Variants in ENPP6 observed in about 807,000 individuals in gnomAD.
ENPP6 encodes glycerophosphocholine cholinephosphodiesterase ENPP6.
A neutral mutation model predicts 42.0 loss-of-function variants in ENPP6; 32 were observed. The ratio of observed to expected loss-of-function variants is 0.76; its 90% CI spans 0.58 to 1.02. The LOEUF is 1.02. Ranked by LOEUF, ENPP6 falls within the 50% of genes least tolerant of loss-of-function variation. ENPP6 has a pLI of 0.00. For synonymous variants in ENPP6, 213 were observed against 216.0 expected (o/e 0.99, Z 0.12); for missense variants, 552 against 566.8 (o/e 0.97, Z 0.27).
chr4:184,171,815 G>C (rs1304521000), intron 1 of ENPP6, among the ~76,000 whole-genome samples: 1 of 151,530 alleles, frequency 6.6e-6, no homozygotes, highest in Non-Finnish European at 1.5e-5. Flanking sequence ...CAGTGTATCC[G>C]GCACGATTCG....
intron 7 of ENPP6, among the ~76,000 whole-genome samples, chr4:184,095,444 G>A (rs1438573006): frequency 2.0e-5 from 3 of 152,010 alleles, no homozygotes; most frequent in Non-Finnish European, 2.9e-5. Context: ...CAGATCACCT[G>A]AGGTCAGGAG....
intron 1 of ENPP6, among the ~76,000 whole-genome samples, chr4:184,199,463 T>A (rs962448707): frequency 2.0e-5 from 3 of 152,230 alleles, no homozygotes; most frequent in Non-Finnish European, 4.4e-5. Context: ...TAAAGAATAA[T>A]GTTTTCTCAA....
chr4:184,183,982 G>A (rs559077547), intron 1 of ENPP6, among the ~76,000 whole-genome samples: 1 of 152,348 alleles, frequency 6.6e-6, no homozygotes, highest in African/African-American at 2.4e-5. Context: ...CCAGCAGGAT[G>A]TTGGTGCTCA....
chr4:184,167,784 C>G (rs7666944), intron 1 of ENPP6, among the ~76,000 whole-genome samples: 1 of 152,100 alleles, frequency 6.6e-6, no homozygotes, highest in East Asian at 1.9e-4. Context: ...TCACAGCAGC[C>G]GCAGCTGGTT....
intron 1 of ENPP6, among the ~76,000 whole-genome samples, chr4:184,194,067 CT>C (rs1300535329): frequency 3.3e-5 from 5 of 152,166 alleles, no homozygotes; most frequent in African/African-American, 1.2e-4. Flanking sequence ...TTCTTCCACA[CT>C]GTGCCCACTG....
chr4:184,181,709 A>G (rs758927384), intron 1 of ENPP6, among the ~76,000 whole-genome samples: 2 of 152,200 alleles, frequency 1.3e-5, no homozygotes, highest in Non-Finnish European at 2.9e-5. Flanking sequence ...GAGACTGCAC[A>G]TTTACAACCA....
At chr4:184,206,425 T>G (rs1733001430) in intron 1 of ENPP6, among the ~76,000 whole-genome samples, 1 of 121,022 alleles carries the variant, frequency 8.3e-6, no homozygotes, top group Non-Finnish European at 1.7e-5. Flanking sequence ...GCCCGGCTAA[T>G]TTTTGTATTT....
rs111950097 is a variant in ENPP6 at position 184,093,059 on chromosome 4, A to G, written c.1118-1677T>C. Among the ~76,000 whole-genome samples the G allele has an allele frequency of 8.9e-3, 1,354 of 152,286 alleles. 26 individuals are homozygous for G. Among genetic ancestry groups the G allele is most frequent in the African/African-American group, 0.031 (1,296 of 41,546 alleles). On this transcript the variant is annotated intron_variant, in intron 7 of 7. Transcript: ENST00000296741. ...ATAGCACGTTTTGCTCCCTTTGGAGAATTAAAGTTGAATCCAATATAAAGA... is the reference window on the plus strand; with the variant it reads ...ATAGCACGTTTTGCTCCCTTTGGAGGATTAAAGTTGAATCCAATATAAAGA...
chr4:184,093,005 A>G (rs1322240114), intron 7 of ENPP6, among the ~76,000 whole-genome samples: 1 of 152,232 alleles, frequency 6.6e-6, no homozygotes, highest in African/African-American at 2.4e-5. Context: ...TCTGCCACAT[A>G]GTATGTTAGA....
At chr4:184,177,146 C>T (rs1036041629) in intron 1 of ENPP6, among the ~76,000 whole-genome samples, 5 of 152,224 alleles carry the variant, frequency 3.3e-5, no homozygotes, top group African/African-American at 1.2e-4. Context: ...GCCACCATCA[C>T]TGTAGCCCCA....
At chr4:184,110,795 T>C (rs773993248) in intron 6 of ENPP6, among the ~76,000 whole-genome samples, 1 of 152,234 alleles carries the variant, frequency 6.6e-6, no homozygotes, top group South Asian at 2.1e-4. Flanking sequence ...TGTGGGATAG[T>C]AAATCCTTTT....
In ENPP6 at chr4:184,147,816, G is replaced by A. The variant is rs1736954783; in HGVS notation, c.421+5738C>T. ...ACCCTGTTTCAAAAAAAAAAAAAAA[G>A]TATTCAGCTTGGCTCTTAGAGCCTG... On this transcript the variant is annotated intron_variant, in intron 2 of 7. Transcript: ENST00000296741. 1.6e-5 allele frequency among the ~76,000 whole-genome samples: 2 copies of A among 124,214 alleles called. 1 individual carries two copies. Among genetic ancestry groups the A allele is most frequent in the South Asian group, 5.2e-4 (2 of 3,862 alleles). The allele number at this position is 124,214 out of a possible 152,430, so 81.5% of individuals were successfully genotyped here. A position where few individuals can be genotyped will look rare whatever the true frequency, so the allele number is the denominator to read the frequency against.
intron 7 of ENPP6, among the ~76,000 whole-genome samples, chr4:184,093,073 C>A (rs879713721): frequency 1.3e-5 from 2 of 152,136 alleles, no homozygotes; most frequent in Admixed American, 6.6e-5. Flanking sequence ...AAAGTTGAAT[C>A]CAATATAAAG....
chr4:184,125,814 A>G (rs1293359843), intron 2 of ENPP6, among the ~76,000 whole-genome samples: 2 of 152,242 alleles, frequency 1.3e-5, no homozygotes, highest in Non-Finnish European at 2.9e-5. Flanking sequence ...AATACTGCTC[A>G]TGACTTCCAG....
At chr4:184,188,433 C>CA (rs1732668194) in intron 1 of ENPP6, among the ~76,000 whole-genome samples, 1 of 152,138 alleles carries the variant, frequency 6.6e-6, no homozygotes, top group Admixed American at 6.6e-5. Context: ...TCACCCCCAT[C>CA]CCCCCAAATT....
intron 2 of ENPP6, among the ~76,000 whole-genome samples, chr4:184,129,470 G>A (rs1736559748): frequency 6.6e-6 from 1 of 152,108 alleles, no homozygotes; most frequent in Admixed American, 6.5e-5. Flanking sequence ...CATCCACTAC[G>A]CATCAAGACC....
intron 1 of ENPP6, among the ~76,000 whole-genome samples, chr4:184,210,797 C>A (rs1317249917): frequency 6.6e-6 from 1 of 152,020 alleles, no homozygotes. Context: ...TTTTTCAGCA[C>A]CACACAACAC....
At chr4:184,179,674 T>C (rs999448848) in intron 1 of ENPP6, among the ~76,000 whole-genome samples, 4 of 150,924 alleles carry the variant, frequency 2.7e-5, no homozygotes, top group Non-Finnish European at 5.9e-5. Context: ...CCACAGTCTC[T>C]CAGACAACAG....
intron 1 of ENPP6, among the ~76,000 whole-genome samples, chr4:184,156,475 C>T (rs950953370): frequency 2.0e-5 from 3 of 152,212 alleles, no homozygotes; most frequent in African/African-American, 4.8e-5. Flanking sequence ...ATATTCCTGC[C>T]TGACCCATAT....
Sources: gnomAD v4.1 joint callset for allele counts (sites outside exome capture counted in the v4.1 genomes callset) on GRCh38, gnomAD v4.1.1 for gene constraint, MANE v1.5 for transcripts, NCBI Gene and HGNC (gene_info 2026-07-23, HGNC 2026-07-21) for gene names.